TUSC3: variants seen among roughly 807,000 people sequenced by gnomAD.
The protein encoded by TUSC3 is tumor suppressor candidate 3, also known as dolichyl-diphosphooligosaccharide--protein glycosyltransferase subunit TUSC3.
In TUSC3, 45 loss-of-function variants were observed where a neutral mutation model predicts 44.8. The observed-to-expected ratio is 1.00, with a 90% CI of 0.79 to 1.29. The LOEUF is 1.29. TUSC3 is among the 50% of genes most tolerant of loss of function. The probability of loss-of-function intolerance (pLI) is 0.00; values close to 1 mark genes in which losing one functional copy is unlikely to be tolerated. For synonymous variants in TUSC3, 212 were observed against 152.9 expected (o/e 1.39, Z -2.85); for missense variants, 519 against 437.9 (o/e 1.19, Z -1.65).
At chr8:15,600,631 A>T (rs573592975) in intron 1 of TUSC3, among the ~76,000 whole-genome samples, 7 of 151,772 alleles carry the variant, frequency 4.6e-5, no homozygotes, top group Admixed American at 4.6e-4. Context: ...AACATACACG[A>T]ACATTTGAGG....
chr8:15,606,505 A>G (rs959374508), intron 1 of TUSC3, among the ~76,000 whole-genome samples: 2 of 152,080 alleles, frequency 1.3e-5, no homozygotes, highest in Non-Finnish European at 2.9e-5. Context: ...TATTTCAAAT[A>G]TTTAGCATGT....
intron 1 of TUSC3, among the ~76,000 whole-genome samples, chr8:15,425,390 A>G (rs922328712): frequency 6.6e-6 from 1 of 152,224 alleles, no homozygotes; most frequent in African/African-American, 2.4e-5. Flanking sequence ...CAACAAAGTG[A>G]CATTTCCTCC....
At chr8:15,458,305 C>G (rs976270038) in intron 1 of TUSC3, among the ~76,000 whole-genome samples, 7 of 152,118 alleles carry the variant, frequency 4.6e-5, no homozygotes, top group African/African-American at 1.7e-4. Context: ...GTGACGTGCT[C>G]ACAGCTCACT....
chr8:15,430,460 G>A (rs943145966), intron 1 of TUSC3, among the ~76,000 whole-genome samples: 5 of 150,460 alleles, frequency 3.3e-5, no homozygotes, highest in Non-Finnish European at 7.4e-5. Context: ...AATAAATTAA[G>A]TATTGATGGG....
intron 1 of TUSC3, among the ~76,000 whole-genome samples, chr8:15,423,969 GTTTTTTTTTTTTTTTT>G (rs112397215): frequency 8.5e-5 from 6 of 70,362 alleles, no homozygotes; most frequent in Non-Finnish European, 1.6e-4. Flanking sequence ...GTTTTGCTTT[GTTTTTTTTTTTTTTTT>G]TTTTTTTTTT....
chr8:15,643,502 G>A (rs1278366479), intron 2 of TUSC3, among the ~76,000 whole-genome samples: 1 of 150,924 alleles, frequency 6.6e-6, no homozygotes, highest in African/African-American at 2.4e-5. Flanking sequence ...CATATTTTAT[G>A]TTCATATACA....
intron 7 of TUSC3, among the ~76,000 whole-genome samples, chr8:15,732,565 GAA>G (rs35902991): frequency 6.7e-6 from 1 of 149,956 alleles, no homozygotes; most frequent in Non-Finnish European, 1.5e-5. Flanking sequence ...AGATGACCAG[GAA>G]AAAAAAAATC....
the TUSC3 span, among the ~76,000 whole-genome samples, chr8:15,820,126 T>TAACATATCATATCCCACATTAACATA: frequency 6.6e-6 from 1 of 152,156 alleles, no homozygotes; most frequent in Non-Finnish European, 1.5e-5. Flanking sequence ...ATCCCACTTC[T>TAACATATCATATCCCACATTAACATA]TTATTCTGTT....
intron 1 of TUSC3, among the ~76,000 whole-genome samples, chr8:15,571,890 A>C (rs892674898): frequency 6.6e-6 from 1 of 152,140 alleles, no homozygotes; most frequent in Non-Finnish European, 1.5e-5. Context: ...AGTAGGTCTT[A>C]ATACTGGGCT....
rs142411818 is a variant in TUSC3 at position 15,651,419 on chromosome 8, C to T, written c.426+605C>T. 1.8e-4 allele frequency among the ~76,000 whole-genome samples: 28 copies of T among 152,170 alleles called. No individual in the cohort carries two copies. The East Asian group carries it at 4.8e-3, about 26-fold the overall frequency. On this transcript the variant is annotated intron_variant, in intron 3 of 10. Coordinates refer to ENST00000503731, the MANE Select transcript of TUSC3 (RefSeq NM_006765.4). The stretch of plus-strand genomic sequence containing the variant: ...TGTTTATGGACTGAATTGTATTTCC[C>T]CAAATTCATAAGTTGAAGCCATAGC...
At chr8:15,552,045 T>C (rs1197921084) in intron 1 of TUSC3, among the ~76,000 whole-genome samples, 1 of 151,806 alleles carries the variant, frequency 6.6e-6, no homozygotes, top group Non-Finnish European at 1.5e-5. Context: ...ATTTTAATTA[T>C]GGCAGAAGCC....
At chr8:15,756,907 C>T (rs1410184733) in intron 9 of TUSC3, among the ~76,000 whole-genome samples, 2 of 152,172 alleles carry the variant, frequency 1.3e-5, no homozygotes, top group African/African-American at 2.4e-5. Flanking sequence ...CATTGGGAGG[C>T]TGAGGCAGGA....
intron 1 of TUSC3, among the ~76,000 whole-genome samples, chr8:15,423,348 A>G (rs571237542): frequency 2.6e-5 from 4 of 152,298 alleles, no homozygotes; most frequent in South Asian, 4.1e-4. Context: ...GAGTTGGACT[A>G]TGTACCCTCA....
At chr8:15,633,750 C>G (rs1056511581) in intron 2 of TUSC3, among the ~76,000 whole-genome samples, 7 of 152,130 alleles carry the variant, frequency 4.6e-5, no homozygotes. Context: ...AAGATTCTCC[C>G]CTTCAGTTTT....
chr8:15,577,689 C>T (rs1187857194), intron 1 of TUSC3, among the ~76,000 whole-genome samples: 1 of 144,790 alleles, frequency 6.9e-6, no homozygotes, highest in Non-Finnish European at 1.5e-5. Context: ...GTTTTGGTAC[C>T]AGTACCATGC....
intron 2 of TUSC3, among the ~76,000 whole-genome samples, chr8:15,634,535 C>T (rs987632011): frequency 2.6e-5 from 4 of 152,088 alleles, no homozygotes; most frequent in Non-Finnish European, 4.4e-5. Flanking sequence ...CCATAAATTC[C>T]GTCTTAAGAT....
intron 6 of TUSC3, among the ~76,000 whole-genome samples, chr8:15,728,254 G>A (rs1810579240): frequency 1.3e-5 from 2 of 152,122 alleles, no homozygotes; most frequent in Admixed American, 1.3e-4. Flanking sequence ...ATCAACTCTA[G>A]GGTAGAGTCA....
chr8:15,742,232 G>GAGGGTTGACGTTGTGCAGGGGTGGC (rs55870051), intron 7 of TUSC3, among the ~76,000 whole-genome samples: 1 of 151,730 alleles, frequency 6.6e-6, no homozygotes, highest in South Asian at 2.1e-4. Context: ...TGTATGGTGG[G>GAGGGTTGACGTTGTGCAGGGGTGGC]AGGGGCTTTT....
chr8:15,694,435 CAAAAAAAA>C (rs146718595), intron 6 of TUSC3, among the ~76,000 whole-genome samples: 27,172 of 85,032 alleles, frequency 0.32, 3,688 homozygotes, highest in Middle Eastern at 0.42. Flanking sequence ...AAACTCCATC[CAAAAAAAA>C]AAAAAAAAAA....
Sources: gnomAD v4.1 joint callset for allele counts (sites outside exome capture counted in the v4.1 genomes callset) on GRCh38, gnomAD v4.1.1 for gene constraint, MANE v1.5 for transcripts, NCBI Gene and HGNC (gene_info 2026-07-23, HGNC 2026-07-21) for gene names.